SMYD4: variants seen among roughly 807,000 people sequenced by gnomAD.
SMYD4 encodes SET and MYND domain containing 4, also known as protein-lysine N-methyltransferase SMYD4.
SMYD4 carries 68 observed loss-of-function variants against 72.8 expected under a neutral mutation model. The observed-to-expected ratio is 0.93, with a 90% CI of 0.77 to 1.14. SMYD4 has a LOEUF of 1.14. Ranked by LOEUF, SMYD4 falls within the 50% of genes most tolerant of loss-of-function variation. The pLI, the probability that SMYD4 is intolerant of heterozygous loss-of-function variation, is 0.00. For synonymous variants in SMYD4, 407 were observed against 388.6 expected (o/e 1.05, Z -0.56); for missense variants, 984 against 1,003.7 (o/e 0.98, Z 0.27).
chr17:1,812,944 A>ATCTTTTT (rs34141085), intron 2 of SMYD4, among the ~76,000 whole-genome samples: 16 of 148,138 alleles, frequency 1.1e-4, no homozygotes, highest in African/African-American at 4.0e-4. Flanking sequence ...ATCATAAAAG[A>ATCTTTTT]TTTTTTTTTT....
chr17:1,810,809 C>T (rs1188618671), intron 3 of SMYD4, among the ~76,000 whole-genome samples: 1 of 152,246 alleles, frequency 6.6e-6, no homozygotes, highest in African/African-American at 2.4e-5. Flanking sequence ...GAGCAGCCGA[C>T]AGGCATCGGC....
In SMYD4 at chr17:1,800,816, C is replaced by A; in HGVS notation, c.578G>T (p.Arg193Leu). The A allele has an allele frequency of 6.2e-7, 1 of 1,614,168 alleles. No individual in the cohort carries two copies. Among genetic ancestry groups the A allele is most frequent in the African/African-American group, 1.3e-5 (1 of 75,022 alleles). ...CTTTTCTTGCATCTTCATTTTCAGACGATGGAGGTTTCTCTGCAGAGTCTG... is the reference window on the plus strand; with the variant it reads ...CTTTTCTTGCATCTTCATTTTCAGAAGATGGAGGTTTCTCTGCAGAGTCTG... ...LPQTLQRNLH[R>L]LKMKMQEKDS... The change falls in exon 5 of 11, where the codon CGT (arginine) becomes CTT (leucine). Residue 193 changes from arginine (R) to leucine (L), a missense_variant. By Grantham distance (102) the Arg-to-Leu change is moderately radical. Transcript: ENST00000305513.
chr17:1,809,671 G>A (rs190272059), intron 3 of SMYD4, among the ~76,000 whole-genome samples: 1 of 133,242 alleles, frequency 7.5e-6, no homozygotes, highest in African/African-American at 2.9e-5. Context: ...CACCGCGCCC[G>A]GCCTATTATT....
chr17:1,784,530 A>G, intron 7 of SMYD4, 69 bp from the exon 8 acceptor site: 1 of 1,595,748 alleles, frequency 6.3e-7, no homozygotes, highest in Non-Finnish European at 8.5e-7. Flanking sequence ...TGCTTACATT[A>G]CAGGACTGCT....
intron 2 of SMYD4, among the ~76,000 whole-genome samples, chr17:1,821,146 T>C (rs533043345): frequency 5.3e-5 from 8 of 152,328 alleles, no homozygotes; most frequent in Non-Finnish European, 1.2e-4. Context: ...CATAAGAATG[T>C]ATGCATTGAA....
chr17:1,823,415 AAAAG>A (rs1910991732), intron 2 of SMYD4, among the ~76,000 whole-genome samples: 3 of 150,624 alleles, frequency 2.0e-5, no homozygotes, highest in South Asian at 2.1e-4. Context: ...AAAAAAAAAA[AAAAG>A]AACTTGACAA....
intron 7 of SMYD4, among the ~76,000 whole-genome samples, chr17:1,785,219 C>T (rs1471201261): frequency 1.4e-5 from 2 of 143,682 alleles, no homozygotes; most frequent in East Asian, 2.2e-4. Context: ...GTCAGGAGAT[C>T]GAGACCATCC....
At chr17:1,784,868 C>T (rs1908570698) in intron 7 of SMYD4, among the ~76,000 whole-genome samples, 1 of 151,904 alleles carries the variant, frequency 6.6e-6, no homozygotes, top group South Asian at 2.1e-4. Context: ...CTCCCGGGTT[C>T]ACGCCATTCT....
chr17:1,799,900 C>T lies in SMYD4; in HGVS notation c.1494G>A (p.Gln498=). Residue 498 remains glutamine (Q), a synonymous_variant, in exon 5 of 11, where the codon CAG becomes CAA. Transcript: ENST00000305513. The part of the protein sequence containing the change: ...WGVAMLRHML[Q]LQCNAQAMTT... ...TCATCGCCTGAGCGTTACACTGAAG[C>T]TGTAACATGTGTCTCAGCATCGCCA... 1.2e-6 allele frequency: 2 copies of T among 1,612,862 alleles called. No homozygotes were observed. Among genetic ancestry groups the T allele is most frequent in the Non-Finnish European group, 1.7e-6 (2 of 1,179,264 alleles).
chr17:1,803,607 C>A (rs1418295234), intron 4 of SMYD4, among the ~76,000 whole-genome samples: 1 of 152,086 alleles, frequency 6.6e-6, no homozygotes, highest in Non-Finnish European at 1.5e-5. Flanking sequence ...TCAAGAGATT[C>A]TCCTGCCTCA....
At chr17:1,816,019 G>C (rs1910574368) in intron 2 of SMYD4, among the ~76,000 whole-genome samples, 1 of 152,000 alleles carries the variant, frequency 6.6e-6, no homozygotes, top group Admixed American at 6.6e-5. Context: ...CATTTTTTAA[G>C]CATACAGTTC....
chr17:1,790,913 T>G (rs1315760136), intron 5 of SMYD4, among the ~76,000 whole-genome samples: 2 of 150,878 alleles, frequency 1.3e-5, no homozygotes, highest in Non-Finnish European at 3.0e-5. Flanking sequence ...GATCACGAGG[T>G]CAGGAGATCG....
chr17:1,824,811 G>A (rs113847223), intron 2 of SMYD4, among the ~76,000 whole-genome samples: 222 of 152,068 alleles, frequency 1.5e-3, no homozygotes, highest in African/African-American at 5.0e-3. Flanking sequence ...TTTTAGTAGA[G>A]ATGGGGTTTC....
rs1567775987 is a variant in SMYD4 at position 1,800,703 on chromosome 17, C to CA, written c.690dup (p.Ala231CysfsTer80). 1 of 1,614,218 alleles carries CA rather than the reference C, an allele frequency of 6.2e-7. No homozygotes were observed. Among genetic ancestry groups the CA allele is most frequent in the Non-Finnish European group, 8.5e-7 (1 of 1,180,042 alleles). ...ACGCATAAGCCGATGGATGATGAGG[C>CA]ATTGGAAAGTTGTTCATTCTCCTCC... On this transcript the variant is annotated frameshift_variant, in exon 5 of 11. Coordinates refer to ENST00000305513, the MANE Select transcript of SMYD4 (RefSeq NM_052928.3). LOFTEE classifies it high-confidence loss of function.
chr17:1,782,916 C>A (rs749509732), intron 10 of SMYD4, 119 bp downstream of exon 10: 897 of 1,456,982 alleles, frequency 6.2e-4, no homozygotes, highest in Non-Finnish European at 7.7e-4. Context: ...AAGATCTCTC[C>A]TAAAGAGGAA....
At chr17:1,806,923 CGTT>C (rs371416964) in intron 3 of SMYD4, among the ~76,000 whole-genome samples, 33 of 151,866 alleles carry the variant, frequency 2.2e-4, no homozygotes, top group African/African-American at 7.5e-4. Flanking sequence ...CAGAGTCTCT[CGTT>C]GTCGTCCAGG....
rs1892025234 is a variant in SMYD4, at chr17:1,811,983, C to T, written c.267G>A (p.Val89=). 6.2e-7 allele frequency: 1 copy of T among 1,613,994 alleles called. No individual in the cohort carries two copies. The highest frequency in any genetic ancestry group is 1.7e-5 in the Admixed American group (1 of 59,966). The change falls in exon 3 of 11, where the codon GTG becomes GTA. Residue 89 remains valine, a synonymous_variant. Transcript: ENST00000305513. Reference sequence around the variant, plus strand: ...GGGAGTGTTTTACCTTAGAGTACAGCACTGCAGCTCCTGTGTAATCTTTCT... The same window carrying T: ...GGGAGTGTTTTACCTTAGAGTACAGTACTGCAGCTCCTGTGTAATCTTTCT... ...FQEKDYTGAA[V]LYSKGVSHSR... is the part of the protein sequence containing the mutation.
At chr17:1,827,157 A>C (rs1911221865) in intron 2 of SMYD4, among the ~76,000 whole-genome samples, 1 of 151,842 alleles carries the variant, frequency 6.6e-6, no homozygotes, top group Non-Finnish European at 1.5e-5. Context: ...TGTGTCAAAA[A>C]AAATAAAATA....
intron 7 of SMYD4, among the ~76,000 whole-genome samples, chr17:1,786,144 T>C (rs921918282): frequency 1.3e-5 from 2 of 152,156 alleles, no homozygotes; most frequent in African/African-American, 2.4e-5. Flanking sequence ...CAGCCACAGT[T>C]CTCAGGTCAA....
Sources: allele counts gnomAD v4.1 joint callset (sites outside exome capture counted in the v4.1 genomes callset), GRCh38; gene constraint gnomAD v4.1.1; transcripts MANE v1.5; gene names NCBI Gene and HGNC (gene_info 2026-07-23, HGNC 2026-07-21).